The following SLC6A16 variants were observed in gnomAD, a reference collection of about 807,000 sequenced individuals.
SLC6A16 encodes the protein solute carrier family 6 member 16.
Under a neutral mutation model 65.4 loss-of-function variants are expected in SLC6A16, and 54 were observed. That is an observed-to-expected ratio of 0.83 (90% CI 0.66 to 1.04). The LOEUF (loss-of-function observed/expected upper bound fraction) is 1.04, where lower values mean the gene tolerates loss of function less well. SLC6A16 is among the 50% of genes least tolerant of loss of function. The pLI, the probability that SLC6A16 is intolerant of heterozygous loss-of-function variation, is 0.00. For synonymous variants in SLC6A16, 330 were observed against 346.5 expected (o/e 0.95, Z 0.53); for missense variants, 816 against 914.0 (o/e 0.89, Z 1.38).
At chr19:49,338,801 C>A in the SLC6A16 span, 1 of 1,613,978 alleles carries the variant, frequency 6.2e-7, no homozygotes, top group Non-Finnish European at 8.5e-7. The surrounding 1 kb of genome is among the most constrained non-coding windows in gnomAD (Gnocchi z 5.0). Flanking sequence ...CCTGCTACAA[C>A]TTGTCGGCGA....
At chr19:49,308,844 G>A (rs1372285194) in intron 7 of SLC6A16, 32 bp downstream of exon 7, 4 of 1,612,474 alleles carry the variant, frequency 2.5e-6, no homozygotes, top group Middle Eastern at 1.6e-4. Flanking sequence ...GTTCCCTGGA[G>A]CTGAGACCCT....
the SLC6A16 span, chr19:49,339,178 C>T: frequency 1.3e-6 from 1 of 745,702 alleles, no homozygotes; most frequent in Middle Eastern, 3.3e-4. This position sits in a 1 kb window ranked among gnomAD's most constrained non-coding sequence, Gnocchi z 4.5. Context: ...AAAGGTGAAG[C>T]GAGGGTGCAC....
At chr19:49,331,749 GC>G in the SLC6A16 span, 3 of 457,276 alleles carry the variant, frequency 6.6e-6, no homozygotes, top group Admixed American at 2.3e-5. Context: ...TGTCCCTTCT[GC>G]ACCCATTCCA....
intron 7 of SLC6A16, among the ~76,000 whole-genome samples, chr19:49,305,132 A>G (rs1970358503): frequency 6.6e-6 from 1 of 152,232 alleles, no homozygotes. Flanking sequence ...AAGCAGTCCT[A>G]TACTTCGCTT....
upstream of SLC6A16, among the ~76,000 whole-genome samples, chr19:49,328,868 T>C (rs1970822540): frequency 6.6e-6 from 1 of 152,140 alleles, no homozygotes; most frequent in African/African-American, 2.4e-5. Context: ...AAGCAATCTG[T>C]GAAGAGATCC....
Position 49,290,159 on chromosome 19 carries a change from T to C in SLC6A16, c.2175A>G (p.Glu725=). The C allele has an allele frequency of 6.2e-7, 1 of 1,614,138 alleles. No individual in the cohort carries two copies. Among genetic ancestry groups the C allele is most frequent in the Non-Finnish European group, 8.5e-7 (1 of 1,180,000 alleles). Reference sequence around the variant, plus strand: ...CATTACAAGTTGATGGGTACTTTGTTTCATCAACTTGTAGAATTTCTTCCT... The same window carrying C: ...CATTACAAGTTGATGGGTACTTTGTCTCATCAACTTGTAGAATTTCTTCCT... ...VQKEEILQVD[E]TKYPSTCNVT... Residue 725 remains glutamate (E), a synonymous_variant, in exon 12 of 12, where the codon GAA becomes GAG. Coordinates refer to ENST00000335875, the MANE Select transcript of SLC6A16 (RefSeq NM_014037.3).
intron 7 of SLC6A16, among the ~76,000 whole-genome samples, chr19:49,303,175 A>T (rs1970319786): frequency 6.6e-6 from 1 of 152,228 alleles, no homozygotes; most frequent in African/African-American, 2.4e-5. Flanking sequence ...CATATTATAA[A>T]CAAATTATTT....
At chr19:49,328,559 G>C (rs1970819875), upstream of SLC6A16, among the ~76,000 whole-genome samples, 2 of 152,224 alleles carry the variant, frequency 1.3e-5, no homozygotes, top group South Asian at 4.1e-4. Flanking sequence ...AATAGCAATG[G>C]AGATGGTGAA....
In SLC6A16 at chr19:49,309,073, AC is replaced by A. The variant is rs1278513377; in HGVS notation, c.1031del (p.Gly344ValfsTer9). On this transcript the variant is annotated frameshift_variant, in exon 7 of 12. Coordinates refer to ENST00000335875, the MANE Select transcript of SLC6A16 (RefSeq NM_014037.3). LOFTEE classifies it high-confidence loss of function. ...YNMSVWSLAG[G>X]QVLSNTGIGL... is the part of the protein sequence containing the mutation. ...CTATGCCTGTGTTAGACAAAACTTGACCCCCTGCTAGAGACCACACACTCAT... is the reference window on the plus strand; with the variant it reads ...CTATGCCTGTGTTAGACAAAACTTGACCCCTGCTAGAGACCACACACTCAT... 1.2e-6 allele frequency: 2 copies of A among 1,614,054 alleles called. No individual in the cohort carries two copies. The highest frequency in any genetic ancestry group is 1.7e-6 in the Non-Finnish European group (2 of 1,179,992).
chr19:49,310,318 T>G (rs1970491411), intron 3 of SLC6A16, 35 bp downstream of exon 3: 1 of 1,611,706 alleles, frequency 6.2e-7, no homozygotes, highest in Non-Finnish European at 8.5e-7. Context: ...CGGTGGGGTG[T>G]AAAAGTCAGG....
At chr19:49,301,043 C>T (rs1220367940) in intron 7 of SLC6A16, among the ~76,000 whole-genome samples, 1 of 151,906 alleles carries the variant, frequency 6.6e-6, no homozygotes, top group Non-Finnish European at 1.5e-5. Flanking sequence ...AGCGAGACTC[C>T]ATCTCAAAAA....
the SLC6A16 span, chr19:49,339,481 G>C: frequency 6.4e-7 from 1 of 1,558,138 alleles, no homozygotes; most frequent in East Asian, 2.2e-5. This position sits in a 1 kb window ranked among gnomAD's most constrained non-coding sequence, Gnocchi z 4.5. Context: ...TTCATTTCGC[G>C]TCCTTCGGTT....
At chr19:49,297,265 A>G (rs924775617) in intron 7 of SLC6A16, among the ~76,000 whole-genome samples, 13 of 152,190 alleles carry the variant, frequency 8.5e-5, no homozygotes, top group African/African-American at 3.1e-4. Flanking sequence ...TGGACAGTAG[A>G]CTTGAAAAGA....
At chr19:49,303,054 T>C (rs1970318175) in intron 7 of SLC6A16, among the ~76,000 whole-genome samples, 2 of 152,190 alleles carry the variant, frequency 1.3e-5, no homozygotes, top group Non-Finnish European at 2.9e-5. Flanking sequence ...ACAAAGTTTA[T>C]CTTTAAAAAT....
In SLC6A16 at chr19:49,289,966, C is replaced by T; in HGVS notation, c.*157G>A. The T allele has an allele frequency of 2.9e-6, 2 of 699,804 alleles. No individual in the cohort carries two copies. The highest frequency in any genetic ancestry group is 4.7e-6 in the Non-Finnish European group (2 of 425,914). 43.3% of individuals were successfully genotyped at this position (699,804 alleles called of 1,614,324 possible). A position where few individuals can be genotyped will look rare whatever the true frequency, so the allele number is the denominator to read the frequency against. On this transcript the variant is annotated 3_prime_UTR_variant, in exon 12 of 12. Coordinates refer to ENST00000335875, the MANE Select transcript of SLC6A16 (RefSeq NM_014037.3). ...TAAGATGGGACCCAGGAAGGGATTGCAAGTCCAGGCCCCATGAACACCCCC... is the reference window on the plus strand; with the variant it reads ...TAAGATGGGACCCAGGAAGGGATTGTAAGTCCAGGCCCCATGAACACCCCC...
the SLC6A16 span, among the ~76,000 whole-genome samples, chr19:49,333,128 C>T: frequency 6.6e-6 from 1 of 152,064 alleles, no homozygotes; most frequent in African/African-American, 2.4e-5. Flanking sequence ...TGCCACTGCA[C>T]TCCAGCCTGG....
rs936867850 is a variant in SLC6A16, at chr19:49,309,633, C to A, written c.876+18G>T. The A allele has an allele frequency of 6.2e-7, 1 of 1,607,138 alleles. No homozygotes were observed. ...AAAGCATCTGAGAATTTCAAGGAAT[C>A]CAATACTGGTGGCTCACCTTCCCAG... On this transcript the variant is annotated intron_variant, in intron 5 of 11. Transcript: ENST00000335875.
chr19:49,298,903 C>T (rs1970232376), intron 7 of SLC6A16, among the ~76,000 whole-genome samples: 1 of 152,112 alleles, frequency 6.6e-6, no homozygotes. Flanking sequence ...ATGTCCTTTG[C>T]AGCAATATGG....
At chr19:49,330,822 A>C in the SLC6A16 span, among the ~76,000 whole-genome samples, 1 of 151,916 alleles carries the variant, frequency 6.6e-6, no homozygotes, top group Admixed American at 6.6e-5. Context: ...GGTGTCTGTA[A>C]TCCCAGCTAC....
Sources: gnomAD v4.1 joint callset for allele counts (sites outside exome capture counted in the v4.1 genomes callset) on GRCh38, gnomAD v4.1.1 for gene constraint, Gnocchi (gnomAD v3.1) non-coding constraint, MANE v1.5 for transcripts, NCBI Gene and HGNC (gene_info 2026-07-23, HGNC 2026-07-21) for gene names.